PTBP2: variants seen among roughly 807,000 people sequenced by gnomAD.
PTBP2 encodes the protein polypyrimidine tract-binding protein 2.
PTBP2 carries 13 observed loss-of-function variants against 61.4 expected under a neutral mutation model. The observed-to-expected ratio is 0.21, with a 90% confidence interval of 0.14 to 0.34. The LOEUF (loss-of-function observed/expected upper bound fraction) is 0.34, where lower values mean the gene tolerates loss of function less well. Ranked by LOEUF, PTBP2 falls within the 10% of genes least tolerant of loss-of-function variation. The probability of loss-of-function intolerance (pLI) is 1.00; values close to 1 mark genes in which losing one functional copy is unlikely to be tolerated. For synonymous variants in PTBP2, 215 were observed against 218.5 expected, an observed-to-expected ratio of 0.98 and a Z score of 0.14; for missense variants, 405 against 642.6, an observed-to-expected ratio of 0.63 and a Z score of 4.00.
Position 96,764,317 on chromosome 1 carries a change from A to G in PTBP2, c.116-5386A>G, listed in dbSNP as rs558766871. Among the ~76,000 whole-genome samples the G allele has an allele frequency of 2.0e-5, 3 of 152,374 alleles. No homozygotes were observed. In the East Asian group the frequency reaches 5.8e-4, roughly 29 times the overall value. On this transcript the variant is annotated intron_variant, in intron 3 of 13. Transcript: ENST00000674951. ...TTCCTTCAAGAGATATAAAAGTGAAATATTTCAAAAATACAACTGTTCCTA... is the reference window on the plus strand; with the variant it reads ...TTCCTTCAAGAGATATAAAAGTGAAGTATTTCAAAAATACAACTGTTCCTA...
Position 96,813,471 on chromosome 1 carries a change from G to T in PTBP2, c.*66G>T. On this transcript the variant is annotated 3_prime_UTR_variant, in exon 14 of 14. Coordinates refer to ENST00000674951, the MANE Select transcript of PTBP2 (RefSeq NM_021190.4). ...ATGTCATCACCTATTTGACTGTTCA[G>T]AAAAGTGGGGACCAGAGTTTGATTT... 1.5e-6 allele frequency: 2 copies of T among 1,353,194 alleles called. No individual in the cohort carries two copies. The highest frequency in any genetic ancestry group is 2.0e-6 in the Non-Finnish European group (2 of 1,023,164). 83.8% of individuals were successfully genotyped at this position (1,353,194 alleles called of 1,614,324 possible).
At chr1:96,772,363 A>G (rs1253050760) in intron 5 of PTBP2, among the ~76,000 whole-genome samples, 3 of 152,216 alleles carry the variant, frequency 2.0e-5, no homozygotes, top group African/African-American at 7.2e-5. Context: ...CAGTCAACTC[A>G]TTAGCATACA....
intron 8 of PTBP2, among the ~76,000 whole-genome samples, chr1:96,802,211 GAA>G (rs5776325): frequency 5.6e-5 from 3 of 54,008 alleles, no homozygotes; most frequent in East Asian, 5.5e-4. Context: ...ACTCCGTCTC[GAA>G]AAAAAAAAAA....
At chr1:96,794,804 C>G (rs532152532) in intron 8 of PTBP2, among the ~76,000 whole-genome samples, 1 of 151,868 alleles carries the variant, frequency 6.6e-6, no homozygotes, top group South Asian at 2.1e-4. Context: ...GTTTTATGGG[C>G]CAAAAACAGC....
chr1:96,733,046 A>G (rs1176258280), intron 2 of PTBP2, among the ~76,000 whole-genome samples: 3 of 150,314 alleles, frequency 2.0e-5, no homozygotes, highest in African/African-American at 7.3e-5. Context: ...TGCTATAGCA[A>G]ATTTATTGTA....
At chr1:96,792,937 C>T (rs1211155612) in intron 8 of PTBP2, among the ~76,000 whole-genome samples, 1 of 152,002 alleles carries the variant, frequency 6.6e-6, no homozygotes, top group Non-Finnish European at 1.5e-5. Flanking sequence ...CCAAAGTAAT[C>T]ACACATACCT....
At chr1:96,807,245 T>C (rs965328356) in intron 11 of PTBP2, among the ~76,000 whole-genome samples, 2 of 152,210 alleles carry the variant, frequency 1.3e-5, no homozygotes, top group African/African-American at 4.8e-5. Flanking sequence ...TGAAGATTCA[T>C]AGTGATTTTT....
intron 11 of PTBP2, 47 bp from the exon 12 acceptor site, chr1:96,812,665 T>C (rs1662200126): frequency 7.3e-7 from 1 of 1,366,206 alleles, no homozygotes; most frequent in South Asian, 1.3e-5. Context: ...TTATGTTTGT[T>C]TTGAGCTTTG....
Position 96,769,707 on chromosome 1 carries a change from T to C in PTBP2, c.120T>C (p.Asn40=). The C allele has an allele frequency of 6.3e-7, 1 of 1,577,094 alleles. No homozygotes were observed. The highest frequency in any genetic ancestry group is 8.6e-7 in the Non-Finnish European group (1 of 1,162,326). ...CTGTTTTTTAATGTCTTTCAGCCAA[T>C]GGTAATGATAGTAAAAAATTTAAAG... ...SNMSSMVVTA[N]GNDSKKFKGE... is the part of the protein sequence containing the mutation. The change falls in exon 4 of 14, where the codon AAT becomes AAC. Residue 40 remains asparagine, a synonymous_variant. Transcript: ENST00000674951.
At chr1:96,782,416 T>C (rs567933730) in intron 7 of PTBP2, among the ~76,000 whole-genome samples, 1 of 152,154 alleles carries the variant, frequency 6.6e-6, no homozygotes, top group South Asian at 2.1e-4. Flanking sequence ...AGAGACCTAA[T>C]GGAATTATCC....
At chr1:96,745,361 A>G (rs1255009128) in intron 2 of PTBP2, among the ~76,000 whole-genome samples, 1 of 151,876 alleles carries the variant, frequency 6.6e-6, no homozygotes, top group African/African-American at 2.4e-5. Flanking sequence ...ACGGGGTTTC[A>G]CCCTGTTAGC....
In PTBP2 at chr1:96,751,519, G is replaced by C. The variant is rs1259146259; in HGVS notation, c.115+19G>C. 6.3e-7 allele frequency: 1 copy of C among 1,588,682 alleles called. No homozygotes were observed. The highest frequency in any genetic ancestry group is 8.6e-7 in the Non-Finnish European group (1 of 1,161,170). ...GTTACAGGTAAGTGTTACTCTCTTA[G>C]CAGTCTGTCATTTGCCATTTTAGGG... On this transcript the variant is annotated intron_variant, in intron 3 of 13. Coordinates refer to ENST00000674951, the MANE Select transcript of PTBP2 (RefSeq NM_021190.4).
At chr1:96,762,280 G>T (rs7551204) in intron 3 of PTBP2, among the ~76,000 whole-genome samples, 3 of 147,336 alleles carry the variant, frequency 2.0e-5, no homozygotes. Flanking sequence ...CGGGCAGAGG[G>T]GCTCCTCACT....
At chr1:96,774,267 G>A (rs550266300) in intron 5 of PTBP2, among the ~76,000 whole-genome samples, 1 of 152,096 alleles carries the variant, frequency 6.6e-6, no homozygotes, top group Non-Finnish European at 1.5e-5. Flanking sequence ...CTGTTCGTCT[G>A]TTTTTCACCC....
At chr1:96,749,615 A>G in intron 2 of PTBP2, 1 of 455,662 alleles carries the variant, frequency 2.2e-6, no homozygotes, top group South Asian at 1.6e-5. Flanking sequence ...TTGATTTTGT[A>G]TGTGGAGTAA....
In PTBP2 at chr1:96,806,908, A is replaced by G. The variant is rs1252971589; in HGVS notation, c.1121A>G (p.Lys374Arg). 1 of 1,612,672 alleles carries G rather than the reference A, an allele frequency of 6.2e-7. No individual in the cohort carries two copies. The highest frequency in any genetic ancestry group is 2.2e-5 in the East Asian group (1 of 44,762). The change falls in exon 11 of 14, where the codon AAG becomes AGG. Residue 374 changes from lysine to arginine, a missense_variant. Coordinates refer to ENST00000674951, the MANE Select transcript of PTBP2 (RefSeq NM_021190.4). Reference protein sequence around the residue: ...DVQRVKILYNKKDSALIQMAD... With the variant: ...DVQRVKILYNRKDSALIQMAD... ...CAGCGTGTGAAGATTTTATACAATA[A>G]GAAAGACAGCGCTCTAATACAGATG...
rs980562182 is a variant in PTBP2 at position 96,723,583 on chromosome 1, G to A, written c.28G>A (p.Val10Ile). ...TTGCAGAATCGTCACTGAGGTTGCA[G>A]TTGGCGTGAAGGTAGGAAAATACTA... MDGIVTEVA[V>I]GVKRGSDELL... The change falls in exon 2 of 14, where the codon GTT (valine) becomes ATT (isoleucine). Residue 10 changes from valine (V) to isoleucine (I), a missense_variant. This residue lies in a region of PTBP2 where 342 missense variants were observed against 491.2 expected (regional missense o/e 0.70). Coordinates refer to ENST00000674951, the MANE Select transcript of PTBP2 (RefSeq NM_021190.4). 5 of 1,566,276 alleles carry A rather than the reference G, an allele frequency of 3.2e-6. No homozygotes were observed. Among genetic ancestry groups the A allele is most frequent in the African/African-American group, 2.7e-5 (2 of 74,554 alleles).
chr1:96,743,228 A>T (rs1056299716), intron 2 of PTBP2, among the ~76,000 whole-genome samples: 11 of 151,348 alleles, frequency 7.3e-5, no homozygotes, highest in African/African-American at 2.2e-4. Context: ...CGGAGCTTGC[A>T]GTGGCGCCAC....
intron 3 of PTBP2, among the ~76,000 whole-genome samples, chr1:96,762,721 G>A (rs1005442782): frequency 6.7e-6 from 1 of 149,268 alleles, no homozygotes; most frequent in Non-Finnish European, 1.5e-5. Flanking sequence ...GGCGGGGGCT[G>A]ACCCCCACCT....
Sources: gnomAD v4.1 joint callset for allele counts (sites outside exome capture counted in the v4.1 genomes callset) on GRCh38, gnomAD v4.1.1 for gene constraint, gnomAD v4.1.1 regional missense constraint, MANE v1.5 for transcripts, NCBI Gene and HGNC (gene_info 2026-07-23, HGNC 2026-07-21) for gene names.